The following STIM1 variants were observed in gnomAD, a reference collection of about 807,000 sequenced individuals.
STIM1 encodes the protein stromal interaction molecule 1.
Under a neutral mutation model 74.7 loss-of-function variants are expected in STIM1, and 25 were observed. That is an observed-to-expected ratio of 0.33 (90% confidence interval 0.24 to 0.47). The LOEUF is 0.47. Among genes scored for constraint, STIM1 ranks in the 20% least tolerant of loss-of-function variants. The pLI is 1.00. For synonymous variants in STIM1, 328 were observed against 348.8 expected (o/e 0.94, Z 0.66); for missense variants, 728 against 920.8 (o/e 0.79, Z 2.71).
intron 3 of STIM1, among the ~76,000 whole-genome samples, chr11:4,044,271 CTG>C (rs2094172953): frequency 6.6e-6 from 1 of 152,184 alleles, no homozygotes; most frequent in Non-Finnish European, 1.5e-5. Context: ...CATTTGGAGT[CTG>C]TATCTGTACT....
chr11:3,972,992 T>C, intron 2 of STIM1: 1 of 510,650 alleles, frequency 2.0e-6, no homozygotes, highest in Non-Finnish European at 3.9e-6. Context: ...TTGCTTTCAC[T>C]GCCACCAACA....
At chr11:3,938,706 G>A (rs990737807) in intron 1 of STIM1, among the ~76,000 whole-genome samples, 4 of 152,284 alleles carry the variant, frequency 2.6e-5, no homozygotes, top group Admixed American at 6.5e-5. Flanking sequence ...AATGAGCCTG[G>A]TGTGGTGGCA....
chr11:4,018,445 C>T (rs1180054249), intron 2 of STIM1, among the ~76,000 whole-genome samples: 5 of 95,736 alleles, frequency 5.2e-5, no homozygotes, highest in Non-Finnish European at 7.5e-5. Context: ...GGCGACAGAG[C>T]GAGACTCCGT....
intron 1 of STIM1, among the ~76,000 whole-genome samples, chr11:3,899,657 C>T (rs2092292808): frequency 6.6e-6 from 1 of 151,316 alleles, no homozygotes; most frequent in Non-Finnish European, 1.5e-5. Context: ...GTGGGTTTGT[C>T]ATAGATAGCT....
intron 1 of STIM1, among the ~76,000 whole-genome samples, chr11:3,938,714 G>T (rs913431080): frequency 1.3e-5 from 2 of 152,154 alleles, no homozygotes; most frequent in African/African-American, 4.8e-5. Context: ...TGGTGTGGTG[G>T]CACATACTTG....
intron 1 of STIM1, among the ~76,000 whole-genome samples, chr11:3,860,034 A>G (rs1020121287): frequency 2.6e-5 from 4 of 152,252 alleles, no homozygotes; most frequent in African/African-American, 9.6e-5. Flanking sequence ...GATGAACAAA[A>G]CAGACATGTT....
intron 1 of STIM1, among the ~76,000 whole-genome samples, chr11:3,919,930 T>C (rs1430205176): frequency 6.6e-6 from 1 of 151,970 alleles, no homozygotes; most frequent in Non-Finnish European, 1.5e-5. Context: ...ATTAAAAAAT[T>C]AGTCTGGCAT....
chr11:3,949,849 A>G (rs2923944), intron 1 of STIM1, among the ~76,000 whole-genome samples: 58,814 of 151,986 alleles, frequency 0.39, 13,045 homozygotes, highest in Admixed American at 0.49. Flanking sequence ...AATCTTGTTC[A>G]GATTTCCCAG....
intron 2 of STIM1, among the ~76,000 whole-genome samples, chr11:3,971,756 T>G (rs552386043): frequency 1.1e-4 from 17 of 152,222 alleles, no homozygotes; most frequent in Non-Finnish European, 2.2e-4. Flanking sequence ...CTGGCCCTTG[T>G]GAAGCCACAA....
intron 1 of STIM1, among the ~76,000 whole-genome samples, chr11:3,949,374 G>A (rs1171255524): frequency 6.6e-6 from 1 of 152,172 alleles, no homozygotes; most frequent in Non-Finnish European, 1.5e-5. Context: ...GTATATGTGA[G>A]CTGGTGAGTG....
At chr11:3,998,531 T>G (rs971019083) in intron 2 of STIM1, among the ~76,000 whole-genome samples, 2 of 152,224 alleles carry the variant, frequency 1.3e-5, no homozygotes, top group Non-Finnish European at 2.9e-5. Context: ...CTCTGCTCTG[T>G]GCCGGGCCCT....
intron 1 of STIM1, among the ~76,000 whole-genome samples, chr11:3,873,270 T>G (rs967062467): frequency 1.3e-5 from 2 of 151,810 alleles, no homozygotes; most frequent in African/African-American, 4.8e-5. Context: ...ACAAAAAAAT[T>G]AGCTGAGCGT....
chr11:4,024,735 T>C (rs2093985074), intron 3 of STIM1, among the ~76,000 whole-genome samples: 1 of 152,194 alleles, frequency 6.6e-6, no homozygotes. Flanking sequence ...TACTGACCCA[T>C]GTTGAGCTTA....
intron 3 of STIM1, among the ~76,000 whole-genome samples, chr11:4,050,292 G>C (rs1339679756): frequency 6.6e-6 from 1 of 152,146 alleles, no homozygotes; most frequent in Non-Finnish European, 1.5e-5. Context: ...AGGGAGGAGT[G>C]GTTCTGTTCA....
intron 1 of STIM1, among the ~76,000 whole-genome samples, chr11:3,929,039 C>T (rs1000853740): frequency 1.3e-5 from 2 of 151,944 alleles, no homozygotes; most frequent in Non-Finnish European, 2.9e-5. Context: ...ACGCCCAGGA[C>T]AGGGTTTCAC....
chr11:3,902,431 C>G (rs886801653), intron 1 of STIM1, among the ~76,000 whole-genome samples: 1 of 152,108 alleles, frequency 6.6e-6, no homozygotes, highest in African/African-American at 2.4e-5. Flanking sequence ...TTCCACAGAC[C>G]AGGGTGCGGG....
chr11:4,075,144 A>G (rs1341975557), intron 7 of STIM1, among the ~76,000 whole-genome samples: 1 of 152,220 alleles, frequency 6.6e-6, no homozygotes, highest in Non-Finnish European at 1.5e-5. Flanking sequence ...TCTGTCTCAA[A>G]AAAAACAAAA....
At chr11:3,991,891 G>C (rs1396668913) in intron 2 of STIM1, among the ~76,000 whole-genome samples, 1 of 144,872 alleles carries the variant, frequency 6.9e-6, no homozygotes, top group Non-Finnish European at 1.5e-5. Flanking sequence ...CGGAGGTTGC[G>C]GTGAGCCGAG....
chr11:3,993,807 T>C (rs2093636899), intron 2 of STIM1, among the ~76,000 whole-genome samples: 1 of 152,244 alleles, frequency 6.6e-6, no homozygotes, highest in African/African-American at 2.4e-5. Context: ...TCATTATGAA[T>C]CACTTTTTAA....
Sources: allele counts gnomAD v4.1 joint callset (sites outside exome capture counted in the v4.1 genomes callset), GRCh38; gene constraint gnomAD v4.1.1; transcripts MANE v1.5; gene names NCBI Gene and HGNC (gene_info 2026-07-23, HGNC 2026-07-21).